Variants in KAZN observed in about 807,000 individuals in gnomAD.
The protein encoded by KAZN is kazrin, periplakin interacting protein, also known as kazrin.
Under a neutral mutation model 87.4 loss-of-function variants are expected in KAZN, and 40 were observed. The ratio of observed to expected loss-of-function variants is 0.46; its 90% CI spans 0.36 to 0.60. The LOEUF is 0.60. Among genes scored for constraint, KAZN ranks in the 20% least tolerant of loss-of-function variants. KAZN has a pLI of 0.00. For synonymous variants in KAZN, 466 were observed against 458.3 expected, an observed-to-expected ratio of 1.02 and a Z score of -0.22; for missense variants, 898 against 1,073.9, an observed-to-expected ratio of 0.84 and a Z score of 2.29.
chr1:14,024,962 T>A (rs1040904961), intron 1 of KAZN, among the ~76,000 whole-genome samples: 2 of 152,220 alleles, frequency 1.3e-5, no homozygotes, highest in African/African-American at 4.8e-5. Flanking sequence ...TATTAGAAAG[T>A]ATCCCAATGA....
chr1:14,333,906 C>T (rs763562317), intron 2 of KAZN, among the ~76,000 whole-genome samples: 2 of 152,060 alleles, frequency 1.3e-5, no homozygotes, highest in Non-Finnish European at 1.5e-5. Flanking sequence ...CCTGGAGCCC[C>T]GTGAGTATGG....
intron 2 of KAZN, among the ~76,000 whole-genome samples, chr1:14,270,103 A>T (rs1651801961): frequency 6.6e-6 from 1 of 152,268 alleles, no homozygotes; most frequent in South Asian, 2.1e-4. Flanking sequence ...TCACACTACC[A>T]CACTGGGGGT....
chr1:15,110,521 G>GTATGCA (rs1641558029), intron 13 of KAZN, among the ~76,000 whole-genome samples: 2 of 119,902 alleles, frequency 1.7e-5, no homozygotes, highest in South Asian at 5.7e-4. Context: ...GTGTTTGTGT[G>GTATGCA]TATGTGTTTG....
intron 1 of KAZN, chr1:14,924,255 G>A (rs1319031681): frequency 3.1e-6 from 3 of 981,900 alleles, no homozygotes; most frequent in Non-Finnish European, 2.4e-6. Flanking sequence ...GGAGGCGGGG[G>A]CGGGCTCGGC....
At chr1:14,303,761 G>C (rs1654728620) in intron 2 of KAZN, among the ~76,000 whole-genome samples, 1 of 152,164 alleles carries the variant, frequency 6.6e-6, no homozygotes, top group South Asian at 2.1e-4. Context: ...TGGCATATAA[G>C]AAGTCTTTTT....
At chr1:14,654,888 G>T (rs1042904437) in intron 1 of KAZN, among the ~76,000 whole-genome samples, 2 of 152,208 alleles carry the variant, frequency 1.3e-5, no homozygotes, top group Admixed American at 1.3e-4. Context: ...TCTCACCCAG[G>T]TCTTGGATGG....
intron 8 of KAZN, among the ~76,000 whole-genome samples, chr1:15,070,068 G>A (rs183303678): frequency 1.3e-5 from 2 of 152,326 alleles, no homozygotes; most frequent in East Asian, 1.9e-4. Context: ...GGAGCTGGGA[G>A]ACAATAGAAG....
intron 1 of KAZN, among the ~76,000 whole-genome samples, chr1:14,680,806 G>A (rs774525207): frequency 6.6e-6 from 1 of 152,140 alleles, no homozygotes; most frequent in Non-Finnish European, 1.5e-5. Flanking sequence ...GTATTACATG[G>A]TATGGTGTGT....
At chr1:15,103,035 T>C (rs756570865) in intron 11 of KAZN, among the ~76,000 whole-genome samples, 1 of 152,068 alleles carries the variant, frequency 6.6e-6, no homozygotes, top group Non-Finnish European at 1.5e-5. Flanking sequence ...CCAGGGTGGG[T>C]GGATCACAAA....
chr1:14,497,335 TAAAAAAA>T (rs70997150), intron 2 of KAZN, among the ~76,000 whole-genome samples: 2,772 of 76,490 alleles, frequency 0.036, 52 homozygotes, highest in Admixed American at 0.079. Context: ...ATTCTGTTAC[TAAAAAAA>T]AAAAAAAAAA....
At chr1:14,157,011 T>C (rs1400222200) in intron 1 of KAZN, among the ~76,000 whole-genome samples, 1 of 151,976 alleles carries the variant, frequency 6.6e-6, no homozygotes, top group Non-Finnish European at 1.5e-5. Context: ...TCCTTGTAGT[T>C]TTTTGATTTG....
At chr1:14,168,641 A>G (rs1329812948) in intron 1 of KAZN, among the ~76,000 whole-genome samples, 1 of 152,178 alleles carries the variant, frequency 6.6e-6, no homozygotes, top group African/African-American at 2.4e-5. Context: ...ACTGGATCGT[A>G]TATTCATAGA....
chr1:14,041,916 G>A (rs1641856071), intron 1 of KAZN, among the ~76,000 whole-genome samples: 1 of 152,140 alleles, frequency 6.6e-6, no homozygotes, highest in Admixed American at 6.5e-5. Flanking sequence ...GCTTCTGGTT[G>A]TTGAAAAGTC....
At chr1:14,881,588 G>A (rs1259736699) in intron 1 of KAZN, among the ~76,000 whole-genome samples, 3 of 151,970 alleles carry the variant, frequency 2.0e-5, no homozygotes, top group Non-Finnish European at 4.4e-5. Context: ...ATACAGTGGT[G>A]AGCCAAGCAG....
At chr1:14,141,232 C>T (rs1645229147) in intron 1 of KAZN, among the ~76,000 whole-genome samples, 1 of 92,120 alleles carries the variant, frequency 1.1e-5, no homozygotes, top group Non-Finnish European at 1.9e-5. Flanking sequence ...AAGTGATTAC[C>T]ATTTAAAAAA....
intron 2 of KAZN, among the ~76,000 whole-genome samples, chr1:14,195,176 T>G (rs1646501116): frequency 6.6e-6 from 1 of 152,198 alleles, no homozygotes; most frequent in Admixed American, 6.5e-5. Flanking sequence ...TTCCCTTCAT[T>G]AATGGAGTGT....
At chr1:13,906,578 G>T (rs1639445462) in intron 1 of KAZN, among the ~76,000 whole-genome samples, 1 of 152,116 alleles carries the variant, frequency 6.6e-6, no homozygotes, top group South Asian at 2.1e-4. Flanking sequence ...TTTGTCTCTT[G>T]GCTTCCATAT....
intron 2 of KAZN, among the ~76,000 whole-genome samples, chr1:15,023,906 T>C (rs533819716): frequency 3.8e-4 from 47 of 124,254 alleles, no homozygotes; most frequent in Middle Eastern, 3.9e-3. Context: ...TGAGAAAAGT[T>C]TGGGGGGGTG....
intron 2 of KAZN, among the ~76,000 whole-genome samples, chr1:14,529,484 A>T (rs1368901252): frequency 6.6e-6 from 1 of 152,196 alleles, no homozygotes; most frequent in Non-Finnish European, 1.5e-5. Context: ...CACAGTAAAT[A>T]ACGATCTTGG....
Sources: allele counts gnomAD v4.1 joint callset (sites outside exome capture counted in the v4.1 genomes callset), GRCh38; gene constraint gnomAD v4.1.1; transcripts MANE v1.5; gene names NCBI Gene and HGNC (gene_info 2026-07-23, HGNC 2026-07-21).